ATRNL1: variants seen among roughly 807,000 people sequenced by gnomAD.
The protein encoded by ATRNL1 is attractin like 1.
Under a neutral mutation model 182.7 loss-of-function variants are expected in ATRNL1, and 95 were observed. The observed-to-expected ratio is 0.52, with a 90% CI of 0.44 to 0.62. The LOEUF (loss-of-function observed/expected upper bound fraction) is 0.62. Among genes scored for constraint, ATRNL1 ranks in the 20% least tolerant of loss-of-function variants. The probability of loss-of-function intolerance (pLI) is 0.00; values close to 1 mark genes in which losing one functional copy is unlikely to be tolerated. For synonymous variants in ATRNL1, 576 were observed against 568.3 expected, an observed-to-expected ratio of 1.01 and a Z score of -0.19; for missense variants, 1,471 against 1,679.5, an observed-to-expected ratio of 0.88 and a Z score of 2.17.
At chr10:115,799,962 T>C (rs1949753302) in intron 27 of ATRNL1, among the ~76,000 whole-genome samples, 1 of 152,128 alleles carries the variant, frequency 6.6e-6, no homozygotes, top group Admixed American at 6.5e-5. Context: ...GGCTCGCACC[T>C]ATAATCCCAG....
intron 5 of ATRNL1, among the ~76,000 whole-genome samples, chr10:115,131,855 C>G (rs546495044): frequency 6.6e-6 from 1 of 152,240 alleles, no homozygotes; most frequent in South Asian, 2.1e-4. Context: ...GAGTGTTACC[C>G]TCTAGAAACT....
chr10:115,643,275 C>CA (rs1859380282), intron 26 of ATRNL1, among the ~76,000 whole-genome samples: 2 of 151,888 alleles, frequency 1.3e-5, no homozygotes, highest in Non-Finnish European at 2.9e-5. Context: ...TATAAATATG[C>CA]AAAAAATAAT....
intron 6 of ATRNL1, among the ~76,000 whole-genome samples, chr10:115,161,767 T>C (rs1846796374): frequency 6.6e-6 from 1 of 152,074 alleles, no homozygotes; most frequent in South Asian, 2.1e-4. Context: ...AGTAGAATAA[T>C]TGTGTTGCTG....
chr10:115,219,636 C>T (rs1849368255), intron 9 of ATRNL1, among the ~76,000 whole-genome samples: 1 of 152,174 alleles, frequency 6.6e-6, no homozygotes, highest in Admixed American at 6.5e-5. Context: ...GGCATGGTGG[C>T]TCATGCCTGT....
At position 115,301,915 on chromosome 10, in the gene ATRNL1, C is replaced by T. The variant is rs1554924632; in HGVS notation, c.2690C>T (p.Ser897Phe). ...KKPCSLRTSC[S>F]NCTSNGMECM... ...CCATGCTCTCTGAGGACATCATGTT[C>T]CAACTGTACAAGCAATGGCATGGAG... Residue 897 changes from serine (S) to phenylalanine (F), a missense_variant, in exon 17 of 29, where the codon TCC becomes TTC. Ser to Phe is a radical substitution (Grantham distance 155, BLOSUM62 -2). Coordinates refer to ENST00000355044, the MANE Select transcript of ATRNL1 (RefSeq NM_207303.4). The T allele has an allele frequency of 2.0e-5, 33 of 1,613,916 alleles. No individual in the cohort carries two copies. The highest frequency in any genetic ancestry group is 2.5e-5 in the Non-Finnish European group (29 of 1,179,860).
chr10:115,385,446 T>C (rs558563426), intron 19 of ATRNL1, among the ~76,000 whole-genome samples: 2 of 152,230 alleles, frequency 1.3e-5, no homozygotes, highest in South Asian at 2.1e-4. Flanking sequence ...AGAAGTCTTA[T>C]AATATTTCAC....
intron 3 of ATRNL1, among the ~76,000 whole-genome samples, chr10:115,126,363 C>G (rs1844976738): frequency 6.6e-6 from 1 of 152,028 alleles, no homozygotes; most frequent in Non-Finnish European, 1.5e-5. Context: ...TGGCCCAGAC[C>G]TATTCTTTTT....
intron 28 of ATRNL1, among the ~76,000 whole-genome samples, chr10:115,857,187 C>T (rs990846634): frequency 2.6e-5 from 4 of 152,052 alleles, no homozygotes; most frequent in African/African-American, 4.8e-5. Flanking sequence ...ACATATACAA[C>T]ATACAAAATA....
chr10:115,627,630 T>A (rs781821718), intron 26 of ATRNL1, among the ~76,000 whole-genome samples: 1 of 152,138 alleles, frequency 6.6e-6, no homozygotes, highest in African/African-American at 2.4e-5. Flanking sequence ...CCTCCCAAAG[T>A]GTTGGGATTC....
intron 18 of ATRNL1, among the ~76,000 whole-genome samples, chr10:115,318,397 CT>C (rs1854412819): frequency 6.6e-6 from 1 of 152,082 alleles, no homozygotes; most frequent in African/African-American, 2.4e-5. Context: ...TTGATGCTGG[CT>C]TTATAAAATT....
At chr10:115,235,304 T>C (rs1850132913) in intron 9 of ATRNL1, among the ~76,000 whole-genome samples, 1 of 152,198 alleles carries the variant, frequency 6.6e-6, no homozygotes, top group Non-Finnish European at 1.5e-5. Context: ...TGGTTTTCAG[T>C]ATATTCATAA....
intron 19 of ATRNL1, among the ~76,000 whole-genome samples, chr10:115,345,247 GT>G (rs1318934286): frequency 2.0e-5 from 3 of 152,198 alleles, no homozygotes; most frequent in African/African-American, 7.2e-5. Context: ...TTAGCCCTTG[GT>G]GGTGAGGTCA....
chr10:115,539,894 G>A (rs1852252482), intron 25 of ATRNL1, among the ~76,000 whole-genome samples: 1 of 149,012 alleles, frequency 6.7e-6, no homozygotes. Context: ...TGTAGTTTCT[G>A]ACCACATGAT....
chr10:115,362,823 A>G (rs1224004699), intron 19 of ATRNL1, among the ~76,000 whole-genome samples: 1 of 151,172 alleles, frequency 6.6e-6, no homozygotes, highest in Non-Finnish European at 1.5e-5. Context: ...TTCCAATTTC[A>G]TCCATGTCCC....
rs1651690261 is a variant in ATRNL1 at position 115,268,436 on chromosome 10, T to G, written c.2092T>G (p.Cys698Gly). ...DKKCISANSN[C>G]SMSVKNYTKC... ...GAAATGCATTTCGGCAAATAGTAAC[T>G]GCAGTATGGTTAGTATTTATGGGTA... Residue 698 changes from cysteine (C) to glycine (G), a missense_variant, in exon 13 of 29, where the codon TGC (cysteine) becomes GGC (glycine). By Grantham distance (159) the Cys-to-Gly change is radical. Coordinates refer to ENST00000355044, the MANE Select transcript of ATRNL1 (RefSeq NM_207303.4). 6.3e-7 allele frequency: 1 copy of G among 1,596,798 alleles called. No individual in the cohort carries two copies. The highest frequency in any genetic ancestry group is 1.3e-5 in the African/African-American group (1 of 74,662).
intron 19 of ATRNL1, among the ~76,000 whole-genome samples, chr10:115,384,332 T>G (rs1858209106): frequency 6.7e-6 from 1 of 149,162 alleles, no homozygotes; most frequent in Admixed American, 6.6e-5. Context: ...AAGATAAACA[T>G]TTTTTTTCAC....
chr10:115,793,763 G>C (rs1469956522), intron 27 of ATRNL1, among the ~76,000 whole-genome samples: 3 of 152,130 alleles, frequency 2.0e-5, no homozygotes, highest in Non-Finnish European at 4.4e-5. Context: ...AAACTACGAT[G>C]AATAAGGGTG....
chr10:115,126,825 T>A lies in ATRNL1; in HGVS notation c.492-768T>A, dbSNP rs560882919. Among the ~76,000 whole-genome samples, 12 of 152,266 alleles carry A rather than the reference T, an allele frequency of 7.9e-5. No individual in the cohort carries two copies. The South Asian group carries it at 2.5e-3, about 32-fold the overall frequency. ...TCACCAATTGCATGTTTTCATAGAT[T>A]TAGAGAGGTTAGAACATATAACTAA... On this transcript the variant is annotated intron_variant, in intron 3 of 28. Transcript: ENST00000355044.
chr10:115,885,816 GT>G (rs1555109646), intron 28 of ATRNL1, among the ~76,000 whole-genome samples: 1 of 152,106 alleles, frequency 6.6e-6, no homozygotes. Context: ...AATATTGGTA[GT>G]CCCTAAATTA....
Sources: gnomAD v4.1 joint callset for allele counts (sites outside exome capture counted in the v4.1 genomes callset) on GRCh38, gnomAD v4.1.1 for gene constraint, MANE v1.5 for transcripts, NCBI Gene and HGNC (gene_info 2026-07-23, HGNC 2026-07-21) for gene names.